The following EIF4ENIF1 variants were observed in gnomAD, a reference collection of about 807,000 sequenced individuals.
The protein encoded by EIF4ENIF1 is eukaryotic translation initiation factor 4E transporter.
A neutral mutation model predicts 110.5 loss-of-function variants in EIF4ENIF1; 23 were observed. The observed-to-expected ratio is 0.21, with a 90% CI of 0.15 to 0.29. The LOEUF (loss-of-function observed/expected upper bound fraction) is 0.29, where lower values mean the gene tolerates loss of function less well. Among genes scored for constraint, EIF4ENIF1 ranks in the 10% least tolerant of loss-of-function variants. The probability of loss-of-function intolerance (pLI) is 1.00; values close to 1 mark genes in which losing one functional copy is unlikely to be tolerated. For missense variants in EIF4ENIF1, 1,031 were observed against 1,221.1 expected (o/e 0.84, Z 2.32); for synonymous variants, 440 against 437.0 (o/e 1.01, Z -0.09).
chr22:31,486,463 C>CA (rs1569110631), intron 2 of EIF4ENIF1, among the ~76,000 whole-genome samples: 1 of 149,446 alleles, frequency 6.7e-6, no homozygotes, highest in Non-Finnish European at 1.5e-5. Context: ...GACTCCGGCT[C>CA]AAAAAAAATA....
intron 2 of EIF4ENIF1, among the ~76,000 whole-genome samples, chr22:31,475,502 A>T (rs1225019358): frequency 1.3e-5 from 2 of 152,186 alleles, no homozygotes; most frequent in Non-Finnish European, 2.9e-5. Flanking sequence ...CTGTAATCCC[A>T]GCACTATAGG....
intron 7 of EIF4ENIF1, among the ~76,000 whole-genome samples, chr22:31,457,882 T>C (rs897032825): frequency 6.6e-6 from 1 of 152,162 alleles, no homozygotes; most frequent in Non-Finnish European, 1.5e-5. Flanking sequence ...CTGTGAAAAA[T>C]TGGGGAGTGT....
chr22:31,483,209 CTTT>C (rs60986284), intron 2 of EIF4ENIF1, among the ~76,000 whole-genome samples: 8 of 89,462 alleles, frequency 8.9e-5, no homozygotes, highest in Admixed American at 3.7e-4. Context: ...AGGAGACGAT[CTTT>C]TTTTTTTTTT....
intron 7 of EIF4ENIF1, among the ~76,000 whole-genome samples, chr22:31,456,384 CG>C (rs1249157031): frequency 6.6e-6 from 1 of 151,718 alleles, no homozygotes; most frequent in Admixed American, 6.6e-5. Context: ...CCACCACGCC[CG>C]GCTAATTTTT....
At chr22:31,483,582 G>A (rs2051908801) in intron 2 of EIF4ENIF1, among the ~76,000 whole-genome samples, 1 of 152,094 alleles carries the variant, frequency 6.6e-6, no homozygotes, top group African/African-American at 2.4e-5. Flanking sequence ...GTTAAATGCA[G>A]ACGGTTAAGC....
At chr22:31,487,386 G>A (rs1053688072) in intron 2 of EIF4ENIF1, among the ~76,000 whole-genome samples, 1 of 152,210 alleles carries the variant, frequency 6.6e-6, no homozygotes, top group East Asian at 1.9e-4. Context: ...TAATCTGACA[G>A]TATTTGATAC....
intron 2 of EIF4ENIF1, among the ~76,000 whole-genome samples, chr22:31,480,724 C>T (rs946409092): frequency 6.6e-6 from 1 of 151,950 alleles, no homozygotes; most frequent in African/African-American, 2.4e-5. Context: ...CATTGCACTC[C>T]AGCCTGGGCA....
In EIF4ENIF1 at chr22:31,440,084, A is replaced by G; in HGVS notation, c.2754T>C (p.Ala918=). The change falls in exon 19 of 19, where the codon GCT becomes GCC. Residue 918 remains alanine, a synonymous_variant. Coordinates refer to ENST00000330125, the MANE Select transcript of EIF4ENIF1 (RefSeq NM_019843.4). ...TCTGAGGGGTTGTCTGAACGCTGACAGCTGCTGCATGGGAACCAGAGCCTG... is the reference window on the plus strand; with the variant it reads ...TCTGAGGGGTTGTCTGAACGCTGACGGCTGCTGCATGGGAACCAGAGCCTG... ...HPPGSGSHAA[A]VSVQTTPQNV... The G allele has an allele frequency of 6.2e-7, 1 of 1,614,190 alleles. No homozygotes were observed. The highest frequency in any genetic ancestry group is 8.5e-7 in the Non-Finnish European group (1 of 1,180,012).
rs562105781 is a variant in EIF4ENIF1 at position 31,448,136 on chromosome 22, A to G, written c.1848+17T>C. 6.2e-6 allele frequency: 10 copies of G among 1,613,796 alleles called. No homozygotes were observed. Among genetic ancestry groups the G allele is most frequent in the Non-Finnish European group, 8.5e-6 (10 of 1,179,714 alleles). ...AAGGGCAAGCAAGAGATTGAGTTTGAGAAAGCTCAGCCTGACCTGGGCTGT... is the reference window on the plus strand; with the variant it reads ...AAGGGCAAGCAAGAGATTGAGTTTGGGAAAGCTCAGCCTGACCTGGGCTGT... On this transcript the variant is annotated intron_variant, in intron 13 of 18. Coordinates refer to ENST00000330125, the MANE Select transcript of EIF4ENIF1 (RefSeq NM_019843.4).
chr22:31,448,143 T>A lies in EIF4ENIF1; in HGVS notation c.1848+10A>T, dbSNP rs754937734. 9.9e-6 allele frequency: 16 copies of A among 1,613,904 alleles called. No individual in the cohort carries two copies. The highest frequency in any genetic ancestry group is 1.4e-5 in the Non-Finnish European group (16 of 1,179,940). ...AGCAAGAGATTGAGTTTGAGAAAGCTCAGCCTGACCTGGGCTGTGATGGGG... is the reference window on the plus strand; with the variant it reads ...AGCAAGAGATTGAGTTTGAGAAAGCACAGCCTGACCTGGGCTGTGATGGGG... On this transcript the variant is annotated intron_variant, in intron 13 of 18. Coordinates refer to ENST00000330125, the MANE Select transcript of EIF4ENIF1 (RefSeq NM_019843.4).
At chr22:31,471,950 T>C (rs1157491566) in intron 2 of EIF4ENIF1, 33 bp from the exon 3 acceptor site, 1 of 1,543,754 alleles carries the variant, frequency 6.5e-7, no homozygotes, top group South Asian at 1.2e-5. Context: ...CATTTTGAAT[T>C]ACATTTCTTA....
At chr22:31,488,902 G>A (rs1286841753) in intron 1 of EIF4ENIF1, 157 bp from the exon 2 acceptor site, 1 of 790,954 alleles carries the variant, frequency 1.3e-6, no homozygotes, top group East Asian at 2.7e-5. Context: ...AGAACTTGGA[G>A]ATAGAATCAT....
In EIF4ENIF1 at chr22:31,439,509, T is replaced by C. The variant is rs2050227412; in HGVS notation, c.*371A>G. ...ACAGCTGTATAGTTCAAAAAAGCTA[T>C]CCTATATGTATATACAAAAGTTGTT... On this transcript the variant is annotated 3_prime_UTR_variant, in exon 19 of 19. Coordinates refer to ENST00000330125, the MANE Select transcript of EIF4ENIF1 (RefSeq NM_019843.4). 5.2e-6 allele frequency: 1 copy of C among 192,870 alleles called. No individual in the cohort carries two copies. Among genetic ancestry groups the C allele is most frequent in the Non-Finnish European group, 1.1e-5 (1 of 93,074 alleles). The allele number at this position is 192,870 out of a possible 1,614,324, so 11.9% of individuals were successfully genotyped here. A position where few individuals can be genotyped will look rare whatever the true frequency, so the allele number is the denominator to read the frequency against.
chr22:31,458,456 A>T lies in EIF4ENIF1; in HGVS notation c.963+19T>A. 1 of 1,512,392 alleles carries T rather than the reference A, an allele frequency of 6.6e-7. No individual in the cohort carries two copies. The highest frequency in any genetic ancestry group is 8.9e-7 in the Non-Finnish European group (1 of 1,120,750). 93.7% of individuals were successfully genotyped at this position (1,512,392 alleles called of 1,614,324 possible). ...GTCAAATTTAACCACACATTTTTTA[A>T]GTGTGCTGCTACACTCACCGAAGCC... is the stretch of plus-strand genomic sequence containing the variant. On this transcript the variant is annotated intron_variant, in intron 7 of 18. Transcript: ENST00000330125.
In EIF4ENIF1 at chr22:31,455,908, C is replaced by T. The variant is rs755644427; in HGVS notation, c.1043G>A (p.Gly348Glu). The change falls in exon 8 of 19, where the codon GGA (glycine) becomes GAA (glutamate). Residue 348 changes from glycine to glutamate, a missense_variant. Gly to Glu is a moderately conservative substitution (Grantham distance 98). Transcript: ENST00000330125. ...SRWFSNPSRS[G>E]SRSSSLGSTP... ...TGACCCAAGACTGCTGGATCGGCTT[C>T]CTGATCTGCTCGGGTTAGAGAACCA... 6.2e-7 allele frequency: 1 copy of T among 1,614,186 alleles called. No homozygotes were observed. The highest frequency in any genetic ancestry group is 1.1e-5 in the South Asian group (1 of 91,084).
chr22:31,463,177 C>G, intron 5 of EIF4ENIF1, 44 bp from the exon 6 acceptor site: 1 of 1,579,320 alleles, frequency 6.3e-7, no homozygotes, highest in African/African-American at 1.4e-5. Context: ...TCTAGTCAAG[C>G]CATTTCTACT....
chr22:31,484,059 T>C (rs929033674), intron 2 of EIF4ENIF1, among the ~76,000 whole-genome samples: 1 of 152,196 alleles, frequency 6.6e-6, no homozygotes, highest in Non-Finnish European at 1.5e-5. Context: ...TCTGAGTTAC[T>C]TGACACCACC....
At chr22:31,463,189 C>T (rs2051054792) in intron 5 of EIF4ENIF1, 56 bp from the exon 6 acceptor site, 1 of 1,538,094 alleles carries the variant, frequency 6.5e-7, no homozygotes, top group Non-Finnish European at 8.9e-7. Flanking sequence ...ATTTCTACTT[C>T]AGTCAAGGTC....
intron 1 of EIF4ENIF1, 54 bp downstream of exon 1, chr22:31,489,640 G>T (rs1214080639): frequency 2.1e-5 from 1 of 48,316 alleles, no homozygotes; most frequent in Non-Finnish European, 5.1e-5. Flanking sequence ...CTACACCCGG[G>T]AGCACCGGGC....
Sources: allele counts gnomAD v4.1 joint callset (sites outside exome capture counted in the v4.1 genomes callset), GRCh38; gene constraint gnomAD v4.1.1; transcripts MANE v1.5; gene names NCBI Gene and HGNC (gene_info 2026-07-23, HGNC 2026-07-21).